The following INCENP variants were observed in gnomAD, a reference collection of about 807,000 sequenced individuals.
INCENP encodes inner centromere protein, also known as binds and activates aurora-B and -C in vivo and in vitro.
A neutral mutation model predicts 107.3 loss-of-function variants in INCENP; 43 were observed. That is an observed-to-expected ratio of 0.40 (90% CI 0.31 to 0.52). The LOEUF is 0.52. Ranked by LOEUF, INCENP falls within the 20% of genes least tolerant of loss-of-function variation. The pLI is 0.53. For missense variants in INCENP, 1,089 were observed against 1,250.9 expected (o/e 0.87, Z 1.95); for synonymous variants, 488 against 494.4 (o/e 0.99, Z 0.17).
rs1284928957 is a variant in INCENP, at chr11:62,152,027, G to T, written c.*51G>T. On this transcript the variant is annotated 3_prime_UTR_variant, in exon 19 of 19. Transcript: ENST00000394818. ...CCTCGCCTCCTGTCCATGTCTATCT[G>T]TCTGTCTGTCGGTCTCTGTCTTGGT... The T allele has an allele frequency of 1.2e-5, 17 of 1,391,814 alleles. 1 individual carries two copies. The South Asian group carries it at 2.0e-4, about 17-fold the overall frequency. 86.2% of individuals were successfully genotyped at this position (1,391,814 alleles called of 1,614,324 possible).
At chr11:62,140,405 G>A in intron 8 of INCENP, 120 bp downstream of exon 8, 2 of 918,830 alleles carry the variant, frequency 2.2e-6, no homozygotes, top group Non-Finnish European at 3.5e-6. Context: ...CTGCTGGGGT[G>A]TGGCCTGGTG....
At chr11:62,142,691 T>G (rs1944149923) in intron 11 of INCENP, among the ~76,000 whole-genome samples, 1 of 152,246 alleles carries the variant, frequency 6.6e-6, no homozygotes, top group Non-Finnish European at 1.5e-5. Context: ...CCCATCTGCC[T>G]TCTGTGGACT....
chr11:62,148,397 G>T, intron 15 of INCENP, 79 bp from the exon 16 acceptor site: 1 of 1,363,090 alleles, frequency 7.3e-7, no homozygotes, highest in Non-Finnish European at 1.0e-6. Context: ...GCTGGGCCTG[G>T]TTTCCCCAGC....
rs577640790 is a variant in INCENP at position 62,145,072 on chromosome 11, C to T, written c.1696C>T (p.Arg566Trp). ...GAAGGTGGAGGAGGACAAGCGGCGG[C>T]GGCTGGAGGAGGTGAAGCTGTAAGT... is the stretch of plus-strand genomic sequence containing the variant. ...RQKVEEDKRR[R>W]LEEVKLKREE... Residue 566 changes from arginine (R) to tryptophan (W), a missense_variant, in exon 12 of 19, where the codon CGG becomes TGG. Arg to Trp is a moderately radical substitution (Grantham distance 101). Transcript: ENST00000394818. The T allele has an allele frequency of 5.7e-5, 92 of 1,613,536 alleles. No individual in the cohort carries two copies. Among genetic ancestry groups the T allele is most frequent in the Middle Eastern group, 1.7e-4 (1 of 6,052 alleles).
intron 13 of INCENP, 64 bp from the exon 14 acceptor site, chr11:62,145,565 T>C: frequency 6.5e-7 from 1 of 1,535,502 alleles, no homozygotes; most frequent in Non-Finnish European, 8.8e-7. Context: ...CACACAGTTC[T>C]GGGCTCCACT....
In INCENP at chr11:62,128,513, G is replaced by A. The variant is rs575406317; in HGVS notation, c.140+212G>A. Among the ~76,000 whole-genome samples, 5 of 152,318 alleles carry A rather than the reference G, an allele frequency of 3.3e-5. No individual in the cohort carries two copies. The South Asian group carries it at 1.0e-3, about 32-fold the overall frequency. ...GAGAGATCCAGTCCCTTGCCTATTC[G>A]CCATCGTTGCTGGCTGGGCCTCTCA... is the stretch of plus-strand genomic sequence containing the variant. On this transcript the variant is annotated intron_variant, in intron 2 of 18. Transcript: ENST00000394818.
intron 1 of INCENP, 21 bp from the exon 2 acceptor site, chr11:62,128,130 T>C: frequency 6.2e-7 from 1 of 1,613,510 alleles, no homozygotes; most frequent in Non-Finnish European, 8.5e-7. Context: ...AACTTGTGCC[T>C]CTTGTCCCTG....
chr11:62,132,312 C>G (rs1424240628), intron 4 of INCENP, among the ~76,000 whole-genome samples: 1 of 152,170 alleles, frequency 6.6e-6, no homozygotes, highest in Admixed American at 6.5e-5. Context: ...TCCAGAAAGT[C>G]AGGTGCTTGC....
chr11:62,144,642 C>T lies in INCENP; in HGVS notation c.1606-340C>T, dbSNP rs77865210. The T allele has an allele frequency of 1.1e-3, 608 of 562,540 alleles. 18 individuals carry two copies. The East Asian group carries it at 0.025, about 23-fold the overall frequency. 34.8% of individuals were successfully genotyped at this position (562,540 alleles called of 1,614,324 possible). ...TCCTCACCCTTCCAAGCTCATCCTT[C>T]ATTTTCTTTTTCAATGCACAGTTTA... On this transcript the variant is annotated intron_variant, in intron 11 of 18. Transcript: ENST00000394818.
chr11:62,137,367 A>G (rs1426930632), intron 4 of INCENP, among the ~76,000 whole-genome samples: 2 of 152,162 alleles, frequency 1.3e-5, no homozygotes, highest in Non-Finnish European at 2.9e-5. Context: ...TGTTGATAGG[A>G]CTATTTGATG....
chr11:62,144,394 AG>A (rs1043012822), intron 11 of INCENP, among the ~76,000 whole-genome samples: 11 of 152,064 alleles, frequency 7.2e-5, no homozygotes, highest in Admixed American at 1.3e-4. Context: ...GGAAAATAAA[AG>A]AAAATTAATA....
At chr11:62,124,688 TGGGCACC>T (rs1943712451) in intron 1 of INCENP, among the ~76,000 whole-genome samples, 2 of 152,194 alleles carry the variant, frequency 1.3e-5, no homozygotes, top group African/African-American at 4.8e-5. Context: ...GAGCCAAGAC[TGGGCACC>T]TGCCTTTCAG....
Position 62,130,026 on chromosome 11 carries a change from C to T in INCENP, c.499C>T (p.Pro167Ser). ...TAACCACACCCAGTGCCAGCTGGTG[C>T]CTGTGGTGGAGATCGGCATCAGTGA... ...EDNHTQCQLV[P>S]VVEIGISERQ... The change falls in exon 4 of 19, where the codon CCT (proline) becomes TCT (serine). Residue 167 changes from proline (P) to serine (S), a missense_variant. Physicochemically the swap from Pro to Ser is moderately conservative, Grantham distance 74 (BLOSUM62 -1). Coordinates refer to ENST00000394818, the MANE Select transcript of INCENP (RefSeq NM_001040694.2). The T allele has an allele frequency of 6.2e-7, 1 of 1,614,068 alleles. No individual in the cohort carries two copies. The highest frequency in any genetic ancestry group is 1.6e-4 in the Middle Eastern group (1 of 6,062).
Position 62,150,323 on chromosome 11 carries a change from T to C in INCENP, c.2542+116T>C. 5 of 1,118,544 alleles carry C rather than the reference T, an allele frequency of 4.5e-6. 1 individual carries two copies. The Admixed American group carries it at 1.1e-4, about 24-fold the overall frequency. The allele number at this position is 1,118,544 out of a possible 1,614,324, so 69.3% of individuals were successfully genotyped here. A position where few individuals can be genotyped will look rare whatever the true frequency, so the allele number is the denominator to read the frequency against. On this transcript the variant is annotated intron_variant, in intron 18 of 18. Transcript: ENST00000394818. ...GTTGGGAGGCTGCCGTGTGCTTCAG[T>C]TGGCAGTTCGAGGCTCTAGCCTTGG... is the stretch of plus-strand genomic sequence containing the variant.
At chr11:62,128,665 G>A in intron 2 of INCENP, 105 bp from the exon 3 acceptor site, 1 of 826,852 alleles carries the variant, frequency 1.2e-6, no homozygotes, top group Non-Finnish European at 2.1e-6. Context: ...GGACACCCCA[G>A]CTTGACCTGT....
At chr11:62,145,128 A>C in intron 12 of INCENP, 37 bp downstream of exon 12, 1 of 1,614,022 alleles carries the variant, frequency 6.2e-7, no homozygotes, top group Non-Finnish European at 8.5e-7. Context: ...GGCCCATCCC[A>C]GCCTTGGTGG....
intron 1 of INCENP, among the ~76,000 whole-genome samples, chr11:62,127,686 G>A (rs1386202384): frequency 6.6e-6 from 1 of 152,182 alleles, no homozygotes; most frequent in East Asian, 1.9e-4. Context: ...GGGTGGCTGT[G>A]TCTTAGCCCT....
At position 62,140,858 on chromosome 11, in the gene INCENP, C is replaced by T. The variant is rs774524216; in HGVS notation, c.1461+37C>T. 13 of 1,613,744 alleles carry T rather than the reference C, an allele frequency of 8.1e-6. No individual in the cohort carries two copies. In the South Asian group the frequency reaches 1.2e-4, roughly 15 times the overall value. On this transcript the variant is annotated intron_variant, in intron 9 of 18. Transcript: ENST00000394818. ...ACCTGCCCTCTCCTGGAGCCCTGAC[C>T]CCCTTCAGTACCCTGCCCCGCCTGC...
chr11:62,128,935 G>A lies in INCENP; in HGVS notation c.254+52G>A, dbSNP rs780561048. ...TGAGCAGTGGGCTCTGCGGAGGCTT[G>A]GTGCCATCTGGGAGTTTGATTCTGA... is the stretch of plus-strand genomic sequence containing the variant. On this transcript the variant is annotated intron_variant, in intron 3 of 18. Transcript: ENST00000394818. The A allele has an allele frequency of 1.0e-5, 12 of 1,197,720 alleles. No homozygotes were observed. The African/African-American group carries it at 1.6e-4, about 16-fold the overall frequency. 74.2% of individuals were successfully genotyped at this position (1,197,720 alleles called of 1,614,324 possible).
Sources: allele counts gnomAD v4.1 joint callset (sites outside exome capture counted in the v4.1 genomes callset), GRCh38; gene constraint gnomAD v4.1.1; transcripts MANE v1.5; gene names NCBI Gene and HGNC (gene_info 2026-07-23, HGNC 2026-07-21).